The following DCTN4 variants were observed in gnomAD, a reference collection of about 807,000 sequenced individuals.
DCTN4 encodes dynactin subunit 4.
Under a neutral mutation model 62.7 loss-of-function variants are expected in DCTN4, and 23 were observed. That is an observed-to-expected ratio of 0.37 (90% CI 0.26 to 0.52). The LOEUF is 0.52. Ranked by LOEUF, DCTN4 falls within the 20% of genes least tolerant of loss-of-function variation. The pLI, the probability that DCTN4 is intolerant of heterozygous loss-of-function variation, is 0.92. For synonymous variants in DCTN4, 199 were observed against 202.1 expected (o/e 0.98, Z 0.13); for missense variants, 514 against 580.4 (o/e 0.89, Z 1.18).
At chr5:150,715,872 T>C (rs1046905411) in intron 11 of DCTN4, among the ~76,000 whole-genome samples, 2 of 152,134 alleles carry the variant, frequency 1.3e-5, no homozygotes, top group African/African-American at 2.4e-5. Flanking sequence ...GGGGAGAACA[T>C]GGGGGCTTCA....
chr5:150,756,188 C>T (rs533435291), intron 2 of DCTN4, among the ~76,000 whole-genome samples: 13 of 151,820 alleles, frequency 8.6e-5, no homozygotes, highest in East Asian at 3.9e-4. Flanking sequence ...ACTACAGGCG[C>T]GTGCCACCAC....
At chr5:150,737,320 T>C (rs1482333186) in intron 4 of DCTN4, among the ~76,000 whole-genome samples, 2 of 152,168 alleles carry the variant, frequency 1.3e-5, no homozygotes, top group Non-Finnish European at 2.9e-5. Flanking sequence ...ATACATTCTA[T>C]TCATTAGCAC....
chr5:150,720,397 GCAA>G (rs140396833), intron 9 of DCTN4, among the ~76,000 whole-genome samples: 2 of 150,386 alleles, frequency 1.3e-5, no homozygotes, highest in African/African-American at 2.4e-5. Context: ...ACACACAAAA[GCAA>G]CAACAATAAA....
At chr5:150,746,338 T>C (rs1013744899) in intron 3 of DCTN4, among the ~76,000 whole-genome samples, 2 of 152,162 alleles carry the variant, frequency 1.3e-5, no homozygotes, top group African/African-American at 4.8e-5. Context: ...GATGGAATCA[T>C]AGCCAAATTC....
chr5:150,718,152 T>C, intron 11 of DCTN4, 124 bp downstream of exon 11: 1 of 597,206 alleles, frequency 1.7e-6, no homozygotes, highest in Non-Finnish European at 2.9e-6. Flanking sequence ...ATTTAGGAGG[T>C]GGAATCAAAA....
At chr5:150,716,356 C>T (rs1312608210) in intron 11 of DCTN4, among the ~76,000 whole-genome samples, 1 of 152,102 alleles carries the variant, frequency 6.6e-6, no homozygotes, top group Non-Finnish European at 1.5e-5. Flanking sequence ...ATGGTACCAG[C>T]TGATTCCTGG....
chr5:150,747,288 G>T (rs557831891), intron 3 of DCTN4, among the ~76,000 whole-genome samples: 2 of 152,198 alleles, frequency 1.3e-5, no homozygotes, highest in Non-Finnish European at 2.9e-5. Context: ...GGAAATAAAA[G>T]AGGATACAAA....
chr5:150,716,020 T>C (rs1759745394), intron 11 of DCTN4, among the ~76,000 whole-genome samples: 1 of 152,158 alleles, frequency 6.6e-6, no homozygotes, highest in Admixed American at 6.5e-5. Context: ...TTCTCCTGAC[T>C]CAGCCTCATG....
At position 150,759,011 on chromosome 5, in the gene DCTN4, C is replaced by G; in HGVS notation, c.-18G>C. 1 of 1,611,782 alleles carries G rather than the reference C, an allele frequency of 6.2e-7. No homozygotes were observed. Among genetic ancestry groups the G allele is most frequent in the Non-Finnish European group, 8.5e-7 (1 of 1,178,266 alleles). ...GACGCCATCTTGGGGAGGGAGGAGG[C>G]GATGACGCTCCCGGCGCATCACGTG... On this transcript the variant is annotated 5_prime_UTR_variant, in exon 1 of 13. Coordinates refer to ENST00000447998, the MANE Select transcript of DCTN4 (RefSeq NM_016221.4).
rs975608918 is a variant in DCTN4 at position 150,716,520 on chromosome 5, A to C, written c.1072-858T>G. Among the ~76,000 whole-genome samples, 15 of 152,272 alleles carry C rather than the reference A, an allele frequency of 9.9e-5. No individual in the cohort carries two copies. The East Asian group carries it at 2.7e-3, about 27-fold the overall frequency. On this transcript the variant is annotated intron_variant, in intron 11 of 12. Transcript: ENST00000447998. ...GATCAAATTTCTAATTATAGATACA[A>C]ATGTGGGAGGGGAGGTATAAAGAGA...
intron 11 of DCTN4, among the ~76,000 whole-genome samples, chr5:150,717,933 TC>T (rs1257977735): frequency 1.3e-5 from 2 of 152,166 alleles, no homozygotes; most frequent in Non-Finnish European, 2.9e-5. Context: ...AATCTGGACT[TC>T]ATCTCAGTCA....
chr5:150,724,437 G>A (rs1760066519), intron 8 of DCTN4, among the ~76,000 whole-genome samples: 1 of 151,980 alleles, frequency 6.6e-6, no homozygotes, highest in South Asian at 2.1e-4. Flanking sequence ...TTGGCATGAG[G>A]GTACAAGTTT....
intron 8 of DCTN4, among the ~76,000 whole-genome samples, chr5:150,724,097 C>T (rs1316477945): frequency 2.6e-5 from 4 of 152,100 alleles, no homozygotes; most frequent in Non-Finnish European, 5.9e-5. Context: ...TATGCATTTG[C>T]TATTTTAATG....
At chr5:150,737,359 G>T (rs144273592) in intron 4 of DCTN4, among the ~76,000 whole-genome samples, 1 of 152,006 alleles carries the variant, frequency 6.6e-6, no homozygotes, top group Admixed American at 6.6e-5. Flanking sequence ...TAGAACATAC[G>T]AGAGGCCACA....
At chr5:150,738,632 C>T (rs540455457) in intron 4 of DCTN4, among the ~76,000 whole-genome samples, 44 of 152,242 alleles carry the variant, frequency 2.9e-4, no homozygotes, top group South Asian at 1.9e-3. Context: ...AAGCCATCTA[C>T]GACAAACACA....
At chr5:150,724,277 T>C (rs1448586282) in intron 8 of DCTN4, among the ~76,000 whole-genome samples, 1 of 152,214 alleles carries the variant, frequency 6.6e-6, no homozygotes, top group Admixed American at 6.5e-5. Flanking sequence ...TCCTCTGCCA[T>C]AACTTGAATG....
At chr5:150,715,874 G>A (rs1389087948) in intron 11 of DCTN4, among the ~76,000 whole-genome samples, 1 of 152,000 alleles carries the variant, frequency 6.6e-6, no homozygotes, top group Non-Finnish European at 1.5e-5. Context: ...GGAGAACATG[G>A]GGGCTTCAAT....
rs1759464636 is a variant in DCTN4 at position 150,708,858 on chromosome 5, A to T, written c.*2291T>A. 1 of 152,832 alleles carries T rather than the reference A, an allele frequency of 6.5e-6. No homozygotes were observed. The highest frequency in any genetic ancestry group is 6.5e-5 in the Admixed American group (1 of 15,286). The allele number at this position is 152,832 out of a possible 1,614,324, so 9.5% of individuals were successfully genotyped here. On this transcript the variant is annotated 3_prime_UTR_variant, in exon 13 of 13. Coordinates refer to ENST00000447998, the MANE Select transcript of DCTN4 (RefSeq NM_016221.4). ...CTCTCTGTCCCAAAAGGGACCAAAA[A>T]GGGTGTTTCTTCACAAATATGCATG...
chr5:150,741,002 T>G (rs919712566), intron 4 of DCTN4, among the ~76,000 whole-genome samples: 8 of 151,942 alleles, frequency 5.3e-5, no homozygotes, highest in Admixed American at 2.0e-4. Context: ...CACTGAATAA[T>G]TTATCCATGT....
Sources: allele counts gnomAD v4.1 joint callset (sites outside exome capture counted in the v4.1 genomes callset), GRCh38; gene constraint gnomAD v4.1.1; transcripts MANE v1.5; gene names NCBI Gene and HGNC (gene_info 2026-07-23, HGNC 2026-07-21).